The following PLEKHA5 variants were observed in gnomAD, a reference collection of about 807,000 sequenced individuals.
PLEKHA5 encodes pleckstrin homology domain-containing family A member 5.
In PLEKHA5, 55 loss-of-function variants were observed where a neutral mutation model predicts 181.9. The observed-to-expected ratio is 0.30, with a 90% CI of 0.24 to 0.38. PLEKHA5 has a LOEUF of 0.38. Ranked by LOEUF, PLEKHA5 falls within the 10% of genes least tolerant of loss-of-function variation. The pLI is 1.00. For missense variants in PLEKHA5, 1,432 were observed against 1,549.5 expected (o/e 0.92, Z 1.27); for synonymous variants, 535 against 529.4 (o/e 1.01, Z -0.15).
At chr12:19,306,922 G>A in intron 15 of PLEKHA5, 2 of 862,036 alleles carry the variant, frequency 2.3e-6, no homozygotes, top group Admixed American at 3.7e-5. Flanking sequence ...TAATGCAATG[G>A]CAGGTCTTCT....
chr12:19,244,945 T>C (rs910809173), intron 3 of PLEKHA5, among the ~76,000 whole-genome samples: 3 of 152,114 alleles, frequency 2.0e-5, no homozygotes, highest in African/African-American at 7.2e-5. Flanking sequence ...TTTTAACTGC[T>C]TTGTCACTGA....
chr12:19,366,734 C>T (rs1406580365), intron 30 of PLEKHA5, among the ~76,000 whole-genome samples: 1 of 152,110 alleles, frequency 6.6e-6, no homozygotes, highest in Non-Finnish European at 1.5e-5. Context: ...ACAAGCCTGC[C>T]ACATTGGGAA....
intron 3 of PLEKHA5, among the ~76,000 whole-genome samples, chr12:19,229,723 G>A (rs1181421623): frequency 6.6e-6 from 1 of 152,208 alleles, no homozygotes; most frequent in African/African-American, 2.4e-5. Flanking sequence ...GGCTTGGGCA[G>A]CCAGCTTTTA....
chr12:19,220,194 T>A (rs1170764066), intron 3 of PLEKHA5, among the ~76,000 whole-genome samples: 1 of 151,360 alleles, frequency 6.6e-6, no homozygotes, highest in Non-Finnish European at 1.5e-5. Context: ...CAATTGCTTT[T>A]TTCTCTTTTC....
intron 3 of PLEKHA5, among the ~76,000 whole-genome samples, chr12:19,143,652 CAT>C (rs1377450813): frequency 6.6e-6 from 1 of 152,034 alleles, no homozygotes; most frequent in African/African-American, 2.4e-5. Context: ...GTATGCGGCA[CAT>C]ATGCATATAT....
chr12:19,242,307 T>C (rs928230060), intron 3 of PLEKHA5, among the ~76,000 whole-genome samples: 1 of 152,100 alleles, frequency 6.6e-6, no homozygotes, highest in African/African-American at 2.4e-5. Context: ...GGCACGATCT[T>C]GGCTCACTGC....
Position 19,253,064 on chromosome 12 carries a change from CTTTTTTTTTT to C in PLEKHA5, c.228-859_228-850del, listed in dbSNP as rs35536570. 1.5e-3 allele frequency among the ~76,000 whole-genome samples: 69 copies of C among 45,872 alleles called. 3 individuals carry two copies. The highest frequency in any genetic ancestry group is 2.7e-3 in the African/African-American group (42 of 15,530). The allele number at this position is 45,872 out of a possible 152,430, so 30.1% of individuals were successfully genotyped here. A position where few individuals can be genotyped will look rare whatever the true frequency, so the allele number is the denominator to read the frequency against. Reference sequence around the variant, plus strand: ...GAGCTAAACAGCCAAATCAACTTACCTTTTTTTTTTTTTTTTTTTTTTTTTTGGGAGACAG... The same window carrying C: ...GAGCTAAACAGCCAAATCAACTTACCTTTTTTTTTTTTTTTTGGGAGACAG... On this transcript the variant is annotated intron_variant, in intron 3 of 31. Transcript: ENST00000429027.
chr12:19,345,927 A>AAATTACTAT, intron 23 of PLEKHA5, 39 bp downstream of exon 23: 1 of 959,860 alleles, frequency 1.0e-6, no homozygotes, highest in Non-Finnish European at 1.7e-6. Context: ...AATTACTTTT[A>AAATTACTAT]ATGCTTAAGA....
chr12:19,201,185 G>A (rs1381513359), intron 3 of PLEKHA5: 1 of 151,894 alleles, frequency 6.6e-6, no homozygotes, highest in South Asian at 2.1e-4. Context: ...TTTTAAATGA[G>A]GGAAAAATTT....
At chr12:19,334,829 A>AAAAAAAAAAAAAT in intron 20 of PLEKHA5, among the ~76,000 whole-genome samples, 10 of 18,604 alleles carry the variant, frequency 5.4e-4, no homozygotes, top group Non-Finnish European at 1.3e-3. Context: ...AAAAAAAAAA[A>AAAAAAAAAAAAAT]ATATATATAT....
At position 19,130,112 on chromosome 12, in the gene PLEKHA5, C is replaced by T; in HGVS notation, c.151C>T (p.His51Tyr). Residue 51 changes from histidine to tyrosine, a missense_variant, in exon 2 of 32, where the codon CAC becomes TAC. Around this residue, in one of 2 missense-constraint regions of PLEKHA5, gnomAD observed 289 missense variants for 381.1 expected, o/e 0.76. Transcript: ENST00000429027. This position sits in a 1 kb window ranked among gnomAD's most constrained non-coding sequence, Gnocchi z 4.5. The part of the protein sequence containing the change: ...PVTGEAVVTG[H>Y]RRQSTDLPTG... ...CACCGGCGAGGCGGTGGTCACCGGA[C>T]ACCGGCGGCAGAGCACAGGTAACGC... 1 of 1,580,780 alleles carries T rather than the reference C, an allele frequency of 6.3e-7. No homozygotes were observed. The highest frequency in any genetic ancestry group is 8.6e-7 in the Non-Finnish European group (1 of 1,164,886).
Position 19,306,990 on chromosome 12 carries a change from A to C in PLEKHA5, c.2038-7824A>C, listed in dbSNP as rs564687290. ...CACTTACTCAGACTGGCGCTGTTCC[A>C]CCGGCTGCTTTGGGGGCTCCTACTC... On this transcript the variant is annotated intron_variant, in intron 15 of 31. Coordinates refer to ENST00000429027, the MANE Select transcript of PLEKHA5 (RefSeq NM_001256470.2). 1.6e-5 allele frequency: 23 copies of C among 1,474,796 alleles called. 1 individual carries two copies. The highest frequency in any genetic ancestry group is 2.2e-5 in the Non-Finnish European group (23 of 1,061,676). 91.4% of individuals were successfully genotyped at this position (1,474,796 alleles called of 1,614,324 possible).
intron 15 of PLEKHA5, among the ~76,000 whole-genome samples, chr12:19,300,022 C>T (rs890022596): frequency 6.6e-6 from 1 of 152,180 alleles, no homozygotes; most frequent in South Asian, 2.1e-4. Flanking sequence ...CATGGTGTAC[C>T]TGTGTAGTGC....
At chr12:19,204,641 T>C (rs2054967772) in intron 3 of PLEKHA5, among the ~76,000 whole-genome samples, 1 of 152,152 alleles carries the variant, frequency 6.6e-6, no homozygotes, top group Admixed American at 6.6e-5. Flanking sequence ...TTTAAAAATT[T>C]TTGTATAGGT....
intron 28 of PLEKHA5, among the ~76,000 whole-genome samples, chr12:19,360,036 G>A (rs2153231714): frequency 6.6e-6 from 1 of 151,604 alleles, no homozygotes; most frequent in Admixed American, 6.6e-5. Context: ...GCCACATCAA[G>A]ATATGCATTA....
intron 3 of PLEKHA5, among the ~76,000 whole-genome samples, chr12:19,205,833 G>C (rs2055333363): frequency 6.6e-6 from 1 of 151,770 alleles, no homozygotes; most frequent in Non-Finnish European, 1.5e-5. Context: ...TTTCTATATT[G>C]TATCTACCAA....
At chr12:19,168,645 A>G (rs886996843) in intron 3 of PLEKHA5, among the ~76,000 whole-genome samples, 1 of 152,194 alleles carries the variant, frequency 6.6e-6, no homozygotes, top group East Asian at 1.9e-4. Flanking sequence ...CCTGCAACAT[A>G]CATATGTGCA....
chr12:19,272,701 C>G (rs1327092391), intron 10 of PLEKHA5, among the ~76,000 whole-genome samples: 5 of 152,160 alleles, frequency 3.3e-5, no homozygotes, highest in Admixed American at 1.3e-4. Flanking sequence ...CACGTCACTG[C>G]ACTCCCCCCT....
chr12:19,149,109 T>C (rs901999163), intron 3 of PLEKHA5, among the ~76,000 whole-genome samples: 1 of 152,204 alleles, frequency 6.6e-6, no homozygotes, highest in Non-Finnish European at 1.5e-5. Context: ...TTCACAATTA[T>C]TGGTTTCAGT....
Sources: allele counts gnomAD v4.1 joint callset (sites outside exome capture counted in the v4.1 genomes callset), GRCh38; gene constraint gnomAD v4.1.1; regional missense constraint gnomAD v4.1.1; non-coding constraint Gnocchi (gnomAD v3.1); transcripts MANE v1.5; gene names NCBI Gene and HGNC (gene_info 2026-07-23, HGNC 2026-07-21).